The following EZR variants were observed in gnomAD, a reference collection of about 807,000 sequenced individuals.
The protein encoded by EZR is ezrin, also known as cytovillin 2.
EZR carries 40 observed loss-of-function variants against 74.8 expected under a neutral mutation model. The observed-to-expected ratio is 0.53, with a 90% CI of 0.42 to 0.70. EZR has a LOEUF of 0.70. Among genes scored for constraint, EZR ranks in the 30% least tolerant of loss-of-function variants. The pLI, the probability that EZR is intolerant of heterozygous loss-of-function variation, is 0.00. For missense variants in EZR, 678 were observed against 755.8 expected, an observed-to-expected ratio of 0.90 and a Z score of 1.21; for synonymous variants, 341 against 283.3, an observed-to-expected ratio of 1.20 and a Z score of -2.05.
chr6:158,770,954 A>T, intron 9 of EZR, 60 bp from the exon 10 acceptor site: 1 of 1,608,796 alleles, frequency 6.2e-7, no homozygotes, highest in Admixed American at 1.7e-5. Flanking sequence ...GTGAGGGGTC[A>T]ACACACTTCA....
chr6:158,790,126 A>G (rs1217864368), intron 2 of EZR, among the ~76,000 whole-genome samples: 2 of 152,246 alleles, frequency 1.3e-5, no homozygotes, highest in East Asian at 1.9e-4. Flanking sequence ...TGAAATGTCC[A>G]AAGACACATC....
chr6:158,783,497 GA>G (rs1791485597), intron 7 of EZR, 22 bp downstream of exon 7: 2 of 1,600,442 alleles, frequency 1.2e-6, no homozygotes, highest in Admixed American at 1.7e-5. Context: ...ACCTACTGAA[GA>G]TAACTGTGAA....
At chr6:158,795,732 A>G (rs1298417370) in intron 2 of EZR, among the ~76,000 whole-genome samples, 2 of 152,208 alleles carry the variant, frequency 1.3e-5, no homozygotes, top group African/African-American at 4.8e-5. Flanking sequence ...TTCCCACATC[A>G]GCCTCACCAT....
intron 3 of EZR, chr6:158,788,588 A>C: frequency 6.6e-6 from 1 of 150,910 alleles, no homozygotes; most frequent in Non-Finnish European, 1.5e-5. Context: ...CAGAGGTTGC[A>C]GTGAGCTGAG....
chr6:158,783,671 T>A lies in EZR; in HGVS notation c.552-5A>T. On this transcript the variant is annotated splice_region_variant and splice_polypyrimidine_tract_variant and intron_variant, in intron 6 of 13. Coordinates refer to ENST00000367075, the MANE Select transcript of EZR (RefSeq NM_001111077.2). ...TATTCCAACATAGCATTATCTCTAA[T>A]TGGGGAGAGTGAAACAGGCAGAGTC... 6.2e-7 allele frequency: 1 copy of A among 1,612,984 alleles called. No individual in the cohort carries two copies. The highest frequency in any genetic ancestry group is 1.7e-5 in the Admixed American group (1 of 59,978).
intron 2 of EZR, 63 bp from the exon 3 acceptor site, chr6:158,789,434 G>T: frequency 1.4e-6 from 2 of 1,425,734 alleles, no homozygotes; most frequent in Non-Finnish European, 2.0e-6. Flanking sequence ...ATAACCTCCT[G>T]CACCTTCTAC....
chr6:158,767,360 G>T lies in EZR; in HGVS notation c.1497C>A (p.Tyr499Ter). The change falls in exon 13 of 14, where the codon TAC (tyrosine) becomes TAA (stop). Residue 499 changes from tyrosine (Y) to a stop codon, truncating the protein, a stop_gained. Transcript: ENST00000367075. LOFTEE classifies it high-confidence loss of function. Reference protein sequence around the residue: ...LQDEGAEPTGYSAELSSEGIR... With the variant: ...LQDEGAEPTG ...TGCCCTCACTAGACAGCTCCGCGCTGTAGCCCGTGGGCTCTGCGCCCTCAT... is the reference window on the plus strand; with the variant it reads ...TGCCCTCACTAGACAGCTCCGCGCTTTAGCCCGTGGGCTCTGCGCCCTCAT... The T allele has an allele frequency of 6.2e-7, 1 of 1,614,074 alleles. No homozygotes were observed. The highest frequency in any genetic ancestry group is 8.5e-7 in the Non-Finnish European group (1 of 1,180,006).
At position 158,773,094 on chromosome 6, in the gene EZR, G is replaced by A. The variant is rs1448242691; in HGVS notation, c.796-1687C>T. On this transcript the variant is annotated intron_variant, in intron 8 of 13. Transcript: ENST00000367075. ...CCACCTATCCCTTATTACACAAGAG[G>A]AAACAATCCTGCATTACAGCTTTGG... 2.0e-5 allele frequency among the ~76,000 whole-genome samples: 3 copies of A among 152,264 alleles called. No homozygotes were observed. In the South Asian group the frequency reaches 6.2e-4, roughly 32 times the overall value.
chr6:158,814,833 G>A (rs1021991427), intron 2 of EZR, among the ~76,000 whole-genome samples: 6 of 152,144 alleles, frequency 3.9e-5, no homozygotes, highest in African/African-American at 1.4e-4. Flanking sequence ...GAGCCACTGT[G>A]TACCGCCTCA....
intron 2 of EZR, among the ~76,000 whole-genome samples, chr6:158,803,950 G>C (rs1316106265): frequency 6.6e-6 from 1 of 151,324 alleles, no homozygotes; most frequent in Non-Finnish European, 1.5e-5. Flanking sequence ...AACCAGGTTG[G>C]GAAGAGTTCT....
intron 1 of EZR, 40 bp from the exon 2 acceptor site, chr6:158,818,206 T>C (rs963854365): frequency 2.2e-5 from 26 of 1,167,154 alleles, no homozygotes; most frequent in Non-Finnish European, 3.0e-5. Flanking sequence ...CCGCCCGCCC[T>C]GCCTCGTCCT....
At chr6:158,785,647 C>T (rs766210576) in intron 4 of EZR, 64 bp from the exon 5 acceptor site, 38 of 1,587,818 alleles carry the variant, frequency 2.4e-5, no homozygotes, top group Admixed American at 1.2e-4. Context: ...GTCCCCAACA[C>T]AGGCTTCTAA....
chr6:158,778,924 A>G (rs1185944554), intron 7 of EZR, among the ~76,000 whole-genome samples: 1 of 152,210 alleles, frequency 6.6e-6, no homozygotes, highest in Non-Finnish European at 1.5e-5. Flanking sequence ...ATACACGTAA[A>G]AAGTTTTTAA....
intron 2 of EZR, among the ~76,000 whole-genome samples, chr6:158,797,565 C>T (rs1334802428): frequency 1.3e-5 from 2 of 152,060 alleles, no homozygotes; most frequent in African/African-American, 2.4e-5. Context: ...AGCCTTCTTC[C>T]GAAGGTGCCA....
rs369743003 is a variant in EZR, at chr6:158,785,535, G to A, written c.241C>T (p.Arg81Trp). Residue 81 changes from arginine (R) to tryptophan (W), a missense_variant, in exon 5 of 14, where the codon CGG (arginine) becomes TGG (tryptophan). Arg to Trp is a moderately radical substitution (Grantham distance 101). Coordinates refer to ENST00000367075, the MANE Select transcript of EZR (RefSeq NM_001111077.2). ...ACATCTTCAGGGTAGAACTTGGCCCGGAACTTGAACTGGAGGGGATTCTCC... is the reference window on the plus strand; with the variant it reads ...ACATCTTCAGGGTAGAACTTGGCCCAGAACTTGAACTGGAGGGGATTCTCC... ...RKENPLQFKF[R>W]AKFYPEDVAE... 2.8e-5 allele frequency: 46 copies of A among 1,614,046 alleles called. No individual in the cohort carries two copies. The East Asian group carries it at 5.6e-4, about 20-fold the overall frequency.
chr6:158,806,397 GTAGA>G (rs770946325), intron 2 of EZR, among the ~76,000 whole-genome samples: 26 of 151,816 alleles, frequency 1.7e-4, no homozygotes, highest in Non-Finnish European at 1.2e-4. Context: ...ATTCATAAAA[GTAGA>G]GAGAATAAGT....
At chr6:158,806,744 T>C (rs1226830941) in intron 2 of EZR, among the ~76,000 whole-genome samples, 1 of 152,220 alleles carries the variant, frequency 6.6e-6, no homozygotes, top group African/African-American at 2.4e-5. Flanking sequence ...CATTGCCTTG[T>C]TCAGCCACGT....
At chr6:158,799,950 T>C (rs1317488073) in intron 2 of EZR, among the ~76,000 whole-genome samples, 6 of 152,208 alleles carry the variant, frequency 3.9e-5, no homozygotes, top group Non-Finnish European at 7.3e-5. Context: ...AGTAACAGAC[T>C]GTTTTATATA....
intron 3 of EZR, 148 bp downstream of exon 3, chr6:158,789,140 G>T (rs1281361528): frequency 3.4e-5 from 21 of 623,488 alleles, no homozygotes; most frequent in Non-Finnish European, 5.4e-5. Flanking sequence ...ATGCTATCAT[G>T]AAATACTTTC....
Sources: allele counts gnomAD v4.1 joint callset (sites outside exome capture counted in the v4.1 genomes callset), GRCh38; gene constraint gnomAD v4.1.1; transcripts MANE v1.5; gene names NCBI Gene and HGNC (gene_info 2026-07-23, HGNC 2026-07-21).